BOLL: variants seen among roughly 807,000 people sequenced by gnomAD.
BOLL encodes the protein boule RNA binding protein, also known as protein boule-like.
In BOLL, 23 loss-of-function variants were observed where a neutral mutation model predicts 44.4. That is an observed-to-expected ratio of 0.52 (90% CI 0.37 to 0.73). BOLL has a LOEUF of 0.73. Among genes scored for constraint, BOLL ranks in the 30% least tolerant of loss-of-function variants. BOLL has a pLI of 0.00. For synonymous variants in BOLL, 97 were observed against 110.8 expected (o/e 0.88, Z 0.78); for missense variants, 287 against 338.3 (o/e 0.85, Z 1.19).
intron 3 of BOLL, among the ~76,000 whole-genome samples, 168 bp downstream of exon 3, chr2:197,778,805 TAC>T (rs71964015): frequency 0.014 from 1,972 of 142,790 alleles, 43 homozygotes; most frequent in African/African-American, 0.045. Flanking sequence ...CCCTCCAAAA[TAC>T]ACACACACAC....
At chr2:197,757,236 A>C (rs1479885522) in intron 8 of BOLL, 117 bp downstream of exon 8, 1 of 776,282 alleles carries the variant, frequency 1.3e-6, no homozygotes, top group East Asian at 2.8e-5. Context: ...CCAAAAGAAT[A>C]AGTTAATAAA....
intron 9 of BOLL, among the ~76,000 whole-genome samples, chr2:197,748,164 C>T (rs1688070910): frequency 6.6e-6 from 1 of 152,170 alleles, no homozygotes; most frequent in Non-Finnish European, 1.5e-5. Context: ...CTCCCTTCCC[C>T]AGCCAAGGGA....
At position 197,727,568 on chromosome 2, in the gene BOLL, C is replaced by T. The variant is rs1466904130; in HGVS notation, c.*987G>A. 6.6e-6 allele frequency: 1 copy of T among 152,162 alleles called. No homozygotes were observed. Among genetic ancestry groups the T allele is most frequent in the Non-Finnish European group, 1.5e-5 (1 of 67,984 alleles). 9.4% of individuals were successfully genotyped at this position (152,162 alleles called of 1,614,324 possible). A position where few individuals can be genotyped will look rare whatever the true frequency, so the allele number is the denominator to read the frequency against. On this transcript the variant is annotated 3_prime_UTR_variant, in exon 11 of 11. Coordinates refer to ENST00000392296, the MANE Select transcript of BOLL (RefSeq NM_033030.6). ...ATTTAGAATCAGAATCTAAAATTTTCCTTTGGTGTAAAAAATAGTTTTGCA... is the reference window on the plus strand; with the variant it reads ...ATTTAGAATCAGAATCTAAAATTTTTCTTTGGTGTAAAAAATAGTTTTGCA...
chr2:197,750,674 T>C (rs185634261), intron 9 of BOLL, among the ~76,000 whole-genome samples: 5 of 152,262 alleles, frequency 3.3e-5, no homozygotes, highest in African/African-American at 1.2e-4. Context: ...ACACAGAGAC[T>C]TAGACTCCCA....
intron 10 of BOLL, among the ~76,000 whole-genome samples, chr2:197,729,927 C>T (rs1030398920): frequency 5.9e-5 from 9 of 152,146 alleles, no homozygotes; most frequent in African/African-American, 2.2e-4. Context: ...CAAAGGAACG[C>T]AGTTCCTCAC....
chr2:197,765,550 ATATTACATG>A (rs1176922956), intron 7 of BOLL, among the ~76,000 whole-genome samples: 1 of 151,906 alleles, frequency 6.6e-6, no homozygotes, highest in East Asian at 1.9e-4. Context: ...TTTGATCACC[ATATTACATG>A]TATCAAAACA....
At position 197,756,547 on chromosome 2, in the gene BOLL, A is replaced by G. The variant is rs756735511; in HGVS notation, c.610T>C (p.Ser204Pro). Residue 204 changes from serine (S) to proline (P), a missense_variant, in exon 9 of 11, where the codon TCT (serine) becomes CCT (proline). Physicochemically the swap from Ser to Pro is moderately conservative, Grantham distance 74 (BLOSUM62 -1). Transcript: ENST00000392296. ...TGCAGGTATAAGAATGGAGCAGAAG[A>G]GGCAGAAGGCTAAAATACAAAACCA... ...WQWSVPQPSA[S>P]SAPFLYLQPS... 1.2e-6 allele frequency: 2 copies of G among 1,604,690 alleles called. No homozygotes were observed. Among genetic ancestry groups the G allele is most frequent in the East Asian group, 4.5e-5 (2 of 44,620 alleles).
At chr2:197,737,834 G>A (rs993771771) in intron 10 of BOLL, among the ~76,000 whole-genome samples, 2 of 152,010 alleles carry the variant, frequency 1.3e-5, no homozygotes, top group African/African-American at 4.8e-5. Flanking sequence ...ATACTTTGTC[G>A]ACCATTAGTT....
At chr2:197,740,800 G>C (rs1559394019) in intron 10 of BOLL, among the ~76,000 whole-genome samples, 1 of 152,112 alleles carries the variant, frequency 6.6e-6, no homozygotes, top group Non-Finnish European at 1.5e-5. Context: ...ATGAGGAAAA[G>C]GTTTGAAAAC....
At position 197,785,219 on chromosome 2, in the gene BOLL, A is replaced by T. The variant is rs1690016136; in HGVS notation, c.-179T>A. ...CTCCCCACCAAAGTGCGGGAGGGAA[A>T]AGAAGGCTAGCCAGCGAGAAATTTT... On this transcript the variant is annotated 5_prime_UTR_variant, in exon 1 of 11. Coordinates refer to ENST00000392296, the MANE Select transcript of BOLL (RefSeq NM_033030.6). The surrounding 1 kb of genome is among the most constrained non-coding windows in gnomAD (Gnocchi z 6.7). 1.1e-5 allele frequency: 11 copies of T among 985,880 alleles called. No homozygotes were observed. Among genetic ancestry groups the T allele is most frequent in the Non-Finnish European group, 1.3e-5 (11 of 829,914 alleles). 61.1% of individuals were successfully genotyped at this position (985,880 alleles called of 1,614,324 possible).
chr2:197,731,166 G>A (rs977725472), intron 10 of BOLL, among the ~76,000 whole-genome samples: 11 of 151,914 alleles, frequency 7.2e-5, no homozygotes, highest in African/African-American at 1.9e-4. Context: ...TTGCAATCCT[G>A]GTCTTGGATA....
intron 10 of BOLL, among the ~76,000 whole-genome samples, chr2:197,739,518 G>A (rs368593977): frequency 6.6e-6 from 1 of 152,074 alleles, no homozygotes; most frequent in East Asian, 1.9e-4. Flanking sequence ...TTTTTATTTT[G>A]TAGAGGCAGG....
At chr2:197,776,149 C>T (rs546194021) in intron 4 of BOLL, among the ~76,000 whole-genome samples, 1 of 152,030 alleles carries the variant, frequency 6.6e-6, no homozygotes, top group East Asian at 1.9e-4. Flanking sequence ...TTCCAGTGCT[C>T]ATACTCTAAG....
intron 6 of BOLL, among the ~76,000 whole-genome samples, chr2:197,767,193 A>C (rs139659335): frequency 5.4e-4 from 82 of 152,160 alleles, no homozygotes; most frequent in Non-Finnish European, 2.5e-4. Flanking sequence ...TTGATTATTC[A>C]AAGTGAAAGA....
At chr2:197,775,781 C>G in intron 4 of BOLL, 41 bp from the exon 5 acceptor site, 1 of 1,200,692 alleles carries the variant, frequency 8.3e-7, no homozygotes. Context: ...TATTTTAGCA[C>G]TATTATTTAT....
chr2:197,738,767 C>T (rs1393916318), intron 10 of BOLL, among the ~76,000 whole-genome samples: 2 of 152,094 alleles, frequency 1.3e-5, no homozygotes, highest in East Asian at 3.8e-4. Context: ...TTCCACCTTT[C>T]TATTTTAAAA....
chr2:197,747,084 T>C (rs192452712), intron 9 of BOLL, among the ~76,000 whole-genome samples: 128 of 152,128 alleles, frequency 8.4e-4, no homozygotes, highest in African/African-American at 2.9e-3. Flanking sequence ...TGAAAATTGC[T>C]AAGACTTAAA....
chr2:197,759,183 C>T (rs1316810266), intron 7 of BOLL, among the ~76,000 whole-genome samples: 1 of 152,158 alleles, frequency 6.6e-6, no homozygotes, highest in Admixed American at 6.5e-5. Flanking sequence ...GGAGTGGAGA[C>T]ACACCTGTGG....
At chr2:197,736,509 C>G (rs1471542544) in intron 10 of BOLL, among the ~76,000 whole-genome samples, 1 of 151,952 alleles carries the variant, frequency 6.6e-6, no homozygotes, top group African/African-American at 2.4e-5. Context: ...CTTCGTTTTG[C>G]TAATTGTTTC....
Sources: allele counts gnomAD v4.1 joint callset (sites outside exome capture counted in the v4.1 genomes callset), GRCh38; gene constraint gnomAD v4.1.1; non-coding constraint Gnocchi (gnomAD v3.1); transcripts MANE v1.5; gene names NCBI Gene and HGNC (gene_info 2026-07-23, HGNC 2026-07-21).